The following SEC31B variants were observed in gnomAD, a reference collection of about 807,000 sequenced individuals.
SEC31B encodes the protein SEC31 homolog B, COPII component, also known as protein transport protein Sec31B.
SEC31B carries 113 observed loss-of-function variants against 135.0 expected under a neutral mutation model. The ratio of observed to expected loss-of-function variants is 0.84; its 90% CI spans 0.72 to 0.98. The LOEUF is 0.98. Ranked by LOEUF, SEC31B falls within the 50% of genes least tolerant of loss-of-function variation. SEC31B has a pLI of 0.00. For synonymous variants in SEC31B, 508 were observed against 549.4 expected (o/e 0.92, Z 1.05); for missense variants, 1,296 against 1,421.1 (o/e 0.91, Z 1.42).
At chr10:100,517,445 C>G (rs1490480462) in intron 1 of SEC31B, among the ~76,000 whole-genome samples, 2 of 152,114 alleles carry the variant, frequency 1.3e-5, no homozygotes, top group East Asian at 3.9e-4. Context: ...CACTGCAACC[C>G]CTGCCTCCTG....
intron 22 of SEC31B, 57 bp downstream of exon 22, chr10:100,489,646 T>A: frequency 6.2e-7 from 1 of 1,611,990 alleles, no homozygotes; most frequent in Non-Finnish European, 8.5e-7. Flanking sequence ...CTCCAAGGAA[T>A]TAGAACGTGG....
chr10:100,487,723 G>T lies in SEC31B; in HGVS notation c.3433C>A (p.Leu1145Ile). Reference sequence around the variant, plus strand: ...CCCGCCACCTGGGCATGCACTGCAAGGCCCTGCTCAAAGCTTCCTGCATCC... The same window carrying T: ...CCCGCCACCTGGGCATGCACTGCAATGCCCTGCTCAAAGCTTCCTGCATCC... ...CVDAGSFEQG[L>I]AVHAQVAGCS... Residue 1145 changes from leucine to isoleucine, a missense_variant, in exon 26 of 26, where the codon CTT becomes ATT. Coordinates refer to ENST00000370345, the MANE Select transcript of SEC31B (RefSeq NM_015490.4). 1 of 1,614,018 alleles carries T rather than the reference G, an allele frequency of 6.2e-7. No individual in the cohort carries two copies. The highest frequency in any genetic ancestry group is 8.5e-7 in the Non-Finnish European group (1 of 1,179,978).
intron 3 of SEC31B, among the ~76,000 whole-genome samples, chr10:100,511,091 G>A (rs1295490022): frequency 1.3e-5 from 2 of 152,218 alleles, no homozygotes; most frequent in African/African-American, 4.8e-5. Context: ...AGGTACCTGA[G>A]ACCTCAAGGG....
chr10:100,516,889 A>C lies in SEC31B; in HGVS notation c.64T>G (p.Leu22Val), dbSNP rs1314728245. 3.1e-6 allele frequency: 5 copies of C among 1,613,774 alleles called. No individual in the cohort carries two copies. In the East Asian group the frequency reaches 1.1e-4, roughly 36 times the overall value. The change falls in exon 2 of 26, where the codon TTG becomes GTG. Residue 22 changes from leucine (L) to valine (V), a missense_variant. By Grantham distance (32) the Leu-to-Val change is conservative. Transcript: ENST00000370345. Reference sequence around the variant, plus strand: ...GTCACCATACCTGTGGCCAGATACAAAGGGTATTGGCTGGCTGGGCTCCAT... The same window carrying C: ...GTCACCATACCTGTGGCCAGATACACAGGGTATTGGCTGGCTGGGCTCCAT... ...QAWSPASQYPLYLATGTSAQQ... is the reference protein window; with the variant it reads ...QAWSPASQYPVYLATGTSAQQ...
chr10:100,495,463 G>A lies in SEC31B; in HGVS notation c.2394C>T (p.Phe798=), dbSNP rs759772699. 8 of 1,613,886 alleles carry A rather than the reference G, an allele frequency of 5.0e-6. No homozygotes were observed. The highest frequency in any genetic ancestry group is 1.6e-4 in the Middle Eastern group (1 of 6,076). The part of the protein sequence containing the change: ...VLGQQSPPFP[F]PRIVVGATLH... Reference sequence around the variant, plus strand: ...GGGTAGCTCCCACAACAATCCGGGGGAAGGGGAAAGGGGGAGACTGTTGGC... The same window carrying A: ...GGGTAGCTCCCACAACAATCCGGGGAAAGGGGAAAGGGGGAGACTGTTGGC... The change falls in exon 19 of 26, where the codon TTC becomes TTT. Residue 798 remains phenylalanine, a synonymous_variant. Coordinates refer to ENST00000370345, the MANE Select transcript of SEC31B (RefSeq NM_015490.4).
At chr10:100,514,557 A>G (rs1158465204) in intron 3 of SEC31B, among the ~76,000 whole-genome samples, 1 of 141,566 alleles carries the variant, frequency 7.1e-6, no homozygotes, top group Non-Finnish European at 1.5e-5. Flanking sequence ...AAAGAGATGT[A>G]AAAAAAAAAA....
chr10:100,498,353 A>G, intron 14 of SEC31B, 146 bp from the exon 15 acceptor site: 1 of 810,130 alleles, frequency 1.2e-6, no homozygotes, highest in East Asian at 2.7e-5. Context: ...ACTCCTTGGC[A>G]ATAAAATGTA....
chr10:100,499,357 A>C, intron 12 of SEC31B, 99 bp from the exon 13 acceptor site: 3 of 1,116,942 alleles, frequency 2.7e-6, no homozygotes, highest in Non-Finnish European at 4.0e-6. Flanking sequence ...TGTACTCTCT[A>C]AGATCCCTGA....
intron 14 of SEC31B, 143 bp from the exon 15 acceptor site, chr10:100,498,350 G>A (rs1028247002): frequency 2.4e-6 from 2 of 830,548 alleles, no homozygotes; most frequent in Non-Finnish European, 3.7e-6. Context: ...TTCACTCCTT[G>A]GCAATAAAAT....
chr10:100,490,220 G>A lies in SEC31B; in HGVS notation c.2753C>T (p.Ala918Val). Residue 918 changes from alanine (A) to valine (V), a missense_variant, in exon 21 of 26, where the codon GCA becomes GTA. Coordinates refer to ENST00000370345, the MANE Select transcript of SEC31B (RefSeq NM_015490.4). The part of the protein sequence containing the change: ...WPLPGSPLPM[A>V]CPGIMRPGST... ...GCCAGGTCGCATGATGCCTGGGCAT[G>A]CCATGGGTAGAGGGGAACCAGGAAG... 6.2e-7 allele frequency: 1 copy of A among 1,612,938 alleles called. No homozygotes were observed. The highest frequency in any genetic ancestry group is 8.5e-7 in the Non-Finnish European group (1 of 1,179,366).
At chr10:100,506,947 A>G (rs1851643652) in intron 7 of SEC31B, among the ~76,000 whole-genome samples, 1 of 152,190 alleles carries the variant, frequency 6.6e-6, no homozygotes, top group Admixed American at 6.5e-5. Flanking sequence ...CCTGGGTGAC[A>G]GAGCAAGAAC....
chr10:100,499,297 T>C (rs1371682993), intron 12 of SEC31B, 39 bp from the exon 13 acceptor site: 2 of 1,447,738 alleles, frequency 1.4e-6, no homozygotes, highest in Admixed American at 3.7e-5. Context: ...CTTTCAAGCG[T>C]AAGATCAAAT....
chr10:100,517,096 AG>A (rs1851865397), intron 1 of SEC31B, 99 bp from the exon 2 acceptor site: 2 of 631,746 alleles, frequency 3.2e-6, no homozygotes, highest in Non-Finnish European at 5.7e-6. Context: ...AGGGCATTTC[AG>A]GGCAACACAG....
rs1483933825 is a variant in SEC31B, at chr10:100,487,724, G to A, written c.3432C>T (p.Gly1144=). The change falls in exon 26 of 26, where the codon GGC becomes GGT. Residue 1144 remains glycine (G), a synonymous_variant. Transcript: ENST00000370345. The stretch of plus-strand genomic sequence containing the variant: ...CCGCCACCTGGGCATGCACTGCAAG[G>A]CCCTGCTCAAAGCTTCCTGCATCCA... ...RCVDAGSFEQ[G]LAVHAQVAGC... is the part of the protein sequence containing the mutation. The A allele has an allele frequency of 9.3e-6, 15 of 1,614,002 alleles. No individual in the cohort carries two copies. The highest frequency in any genetic ancestry group is 1.2e-5 in the Non-Finnish European group (14 of 1,179,968).
chr10:100,505,745 G>A (rs1357488744), intron 9 of SEC31B: 1 of 1,412,182 alleles, frequency 7.1e-7, no homozygotes, highest in African/African-American at 1.4e-5. Flanking sequence ...CTATAGAAGA[G>A]AGAAAGATAA....
intron 2 of SEC31B, 130 bp from the exon 3 acceptor site, chr10:100,516,349 A>C: frequency 8.8e-7 from 1 of 1,138,470 alleles, no homozygotes; most frequent in Non-Finnish European, 1.2e-6. Flanking sequence ...GTAACTCCAC[A>C]AAAGCAAGAA....
chr10:100,513,981 T>C (rs1851780570), intron 3 of SEC31B, among the ~76,000 whole-genome samples: 1 of 151,398 alleles, frequency 6.6e-6, no homozygotes, highest in Non-Finnish European at 1.5e-5. Context: ...GGTCAGGAGT[T>C]CGAGACCAGC....
In SEC31B at chr10:100,506,158, A is replaced by C; in HGVS notation, c.926T>G (p.Val309Gly). The C allele has an allele frequency of 6.2e-7, 1 of 1,614,242 alleles. No homozygotes were observed. Among genetic ancestry groups the C allele is most frequent in the Non-Finnish European group, 8.5e-7 (1 of 1,180,036 alleles). The stretch of plus-strand genomic sequence containing the variant: ...TGAAGGGTCCCGAGGGCACCACTGC[A>C]CATCAAAGCACCAGCTGCTCTGTGT... ...LPTQSSWCFD[V>G]QWCPRDPSVF... The change falls in exon 9 of 26, where the codon GTG becomes GGG. Residue 309 changes from valine to glycine, a missense_variant. Coordinates refer to ENST00000370345, the MANE Select transcript of SEC31B (RefSeq NM_015490.4).
At chr10:100,493,446 A>G (rs1291735901) in intron 19 of SEC31B, among the ~76,000 whole-genome samples, 3 of 152,148 alleles carry the variant, frequency 2.0e-5, no homozygotes, top group Admixed American at 2.0e-4. Context: ...TGAGTGAACT[A>G]CTGGTACACA....
Sources: gnomAD v4.1 joint callset for allele counts (sites outside exome capture counted in the v4.1 genomes callset) on GRCh38, gnomAD v4.1.1 for gene constraint, MANE v1.5 for transcripts, NCBI Gene and HGNC (gene_info 2026-07-23, HGNC 2026-07-21) for gene names.